The following DBNL variants were observed in gnomAD, a reference collection of about 807,000 sequenced individuals.
The protein encoded by DBNL is drebrin-like protein.
A neutral mutation model predicts 62.2 loss-of-function variants in DBNL; 35 were observed. The observed-to-expected ratio is 0.56, with a 90% confidence interval of 0.43 to 0.75. DBNL has a LOEUF of 0.75. DBNL is among the 30% of genes least tolerant of loss of function. The pLI is 0.00. For missense variants in DBNL, 495 were observed against 578.4 expected, an observed-to-expected ratio of 0.86 and a Z score of 1.48; for synonymous variants, 197 against 218.0, an observed-to-expected ratio of 0.90 and a Z score of 0.85.
rs768657552 is a variant in DBNL at position 44,060,190 on chromosome 7, G to C, written c.1153+37G>C. 1 of 1,566,372 alleles carries C rather than the reference G, an allele frequency of 6.4e-7. No homozygotes were observed. Among genetic ancestry groups the C allele is most frequent in the Non-Finnish European group, 8.8e-7 (1 of 1,141,464 alleles). ...TGGCCTGGCTGGCACAGACCACAGG[G>C]TCCTGAGGTTAGGAGACAAGAGGGT... On this transcript the variant is annotated intron_variant, in intron 12 of 12. Coordinates refer to ENST00000448521, the MANE Select transcript of DBNL (RefSeq NM_001014436.3). The surrounding 1 kb of genome is among the most constrained non-coding windows in gnomAD (Gnocchi z 6.3).
chr7:44,050,144 A>C, intron 1 of DBNL, 81 bp from the exon 2 acceptor site: 1 of 1,483,076 alleles, frequency 6.7e-7, no homozygotes, highest in Middle Eastern at 1.7e-4. Flanking sequence ...TTTGGGATGT[A>C]GTGGAAAGTC....
At position 44,057,871 on chromosome 7, in the gene DBNL, C is replaced by T. The variant is rs564758049; in HGVS notation, c.552+12C>T. 5.0e-6 allele frequency: 8 copies of T among 1,614,102 alleles called. No homozygotes were observed. Among genetic ancestry groups the T allele is most frequent in the Admixed American group, 3.3e-5 (2 of 60,018 alleles). ...GGGCCAAAGCAGAGGTGAGTGCTGC[C>T]CCGGGGCATGCTGGGCACGTGGGAG... On this transcript the variant is annotated intron_variant, in intron 6 of 12. Transcript: ENST00000448521.
In DBNL at chr7:44,060,668, G is replaced by C; in HGVS notation, c.1154-109G>C. The C allele has an allele frequency of 6.8e-7, 1 of 1,465,460 alleles. No individual in the cohort carries two copies. 90.8% of individuals were successfully genotyped at this position (1,465,460 alleles called of 1,614,324 possible). A position where few individuals can be genotyped will look rare whatever the true frequency, so the allele number is the denominator to read the frequency against. ...CAGGGATATTTCTGAGGAGGAACCA[G>C]AGCTGCAGCGAGGTGTGCTGCAGCA... On this transcript the variant is annotated intron_variant, in intron 12 of 12. Transcript: ENST00000448521. This position sits in a 1 kb window ranked among gnomAD's most constrained non-coding sequence, Gnocchi z 6.3.
intron 4 of DBNL, among the ~76,000 whole-genome samples, chr7:44,055,901 G>A (rs2128792589): frequency 6.6e-6 from 1 of 152,268 alleles, no homozygotes; most frequent in South Asian, 2.1e-4. Flanking sequence ...CTGTGCAGAA[G>A]CCTTTTAGCT....
Position 44,059,311 on chromosome 7 carries a change from G to A in DBNL, c.836-43G>A, listed in dbSNP as rs1352883362. The A allele has an allele frequency of 1.3e-6, 2 of 1,598,090 alleles. No individual in the cohort carries two copies. The highest frequency in any genetic ancestry group is 1.1e-5 in the South Asian group (1 of 90,234). ...GTGCTGTGGGGTGCGTGGGTGTGTGGTGGTGTTTCTGAAGTGATGTATATA... is the reference window on the plus strand; with the variant it reads ...GTGCTGTGGGGTGCGTGGGTGTGTGATGGTGTTTCTGAAGTGATGTATATA... On this transcript the variant is annotated intron_variant, in intron 9 of 12. Transcript: ENST00000448521. The surrounding 1 kb of genome is among the most constrained non-coding windows in gnomAD (Gnocchi z 4.1).
rs1251640167 is a variant in DBNL, at chr7:44,059,015, C to T, written c.835+32C>T. ...TCTCCCTTTGGGCCTGGCCATGAGG[C>T]AGCAGCAGGCTGAGGGGGAGCCTGG... is the stretch of plus-strand genomic sequence containing the variant. On this transcript the variant is annotated intron_variant, in intron 9 of 12. Coordinates refer to ENST00000448521, the MANE Select transcript of DBNL (RefSeq NM_001014436.3). This position sits in a 1 kb window ranked among gnomAD's most constrained non-coding sequence, Gnocchi z 4.1. The T allele has an allele frequency of 1.2e-6, 2 of 1,610,718 alleles. No individual in the cohort carries two copies. Among genetic ancestry groups the T allele is most frequent in the South Asian group, 2.2e-5 (2 of 90,952 alleles).
At chr7:44,052,610 CAAAAA>C (rs756096866) in intron 3 of DBNL, among the ~76,000 whole-genome samples, 1 of 109,886 alleles carries the variant, frequency 9.1e-6, no homozygotes, top group Non-Finnish European at 2.0e-5. Context: ...ACTCCATCTC[CAAAAA>C]AAAAAAAAAA....
chr7:44,063,276 CTTTTCTTTTTCT>C lies in DBNL; in HGVS notation c.*2371_*2382del, dbSNP rs370887667. On this transcript the variant is annotated 3_prime_UTR_variant, in exon 13 of 13. Coordinates refer to ENST00000448521, the MANE Select transcript of DBNL (RefSeq NM_001014436.3). ...CACTCACCCTTTGTTTTTTTTTTTT[CTTTTCTTTTTCT>C]TTTTCTTTTTTTTGAGATGGAGTTT... 2.1e-5 allele frequency: 7 copies of C among 335,034 alleles called. No individual in the cohort carries two copies. Among genetic ancestry groups the C allele is most frequent in the Non-Finnish European group, 3.4e-5 (6 of 177,156 alleles). 20.8% of individuals were successfully genotyped at this position (335,034 alleles called of 1,614,324 possible).
chr7:44,057,173 C>G (rs1222216920), intron 5 of DBNL, among the ~76,000 whole-genome samples: 1 of 152,250 alleles, frequency 6.6e-6, no homozygotes, highest in Non-Finnish European at 1.5e-5. Context: ...GCATGCATGG[C>G]TATGATAGTC....
intron 1 of DBNL, among the ~76,000 whole-genome samples, chr7:44,049,055 A>G (rs1463047665): frequency 6.6e-6 from 1 of 151,888 alleles, no homozygotes; most frequent in Admixed American, 6.6e-5. Flanking sequence ...GGGTCCCACC[A>G]TGTTGCCCAG....
Position 44,059,183 on chromosome 7 carries a change from G to A in DBNL, c.836-171G>A, listed in dbSNP as rs927553673. 6.6e-5 allele frequency among the ~76,000 whole-genome samples: 10 copies of A among 152,188 alleles called. No homozygotes were observed. In the South Asian group the frequency reaches 1.7e-3, roughly 25 times the overall value. On this transcript the variant is annotated intron_variant, in intron 9 of 12. Transcript: ENST00000448521. The surrounding 1 kb of genome is among the most constrained non-coding windows in gnomAD (Gnocchi z 4.1). ...TGGCCTCCAAAAGATATTGGGCTGC[G>A]CTGTCTACCACGTCACCACATAGCA...
At chr7:44,056,703 G>C (rs1203349535) in intron 4 of DBNL, 54 bp from the exon 5 acceptor site, 1 of 1,610,572 alleles carries the variant, frequency 6.2e-7, no homozygotes, top group Admixed American at 1.7e-5. Context: ...ACAGGAGTTT[G>C]GCCCATCTCC....
intron 8 of DBNL, 146 bp from the exon 9 acceptor site, chr7:44,058,756 G>T (rs985864472): frequency 3.3e-6 from 3 of 921,550 alleles, no homozygotes; most frequent in Non-Finnish European, 4.9e-6. Context: ...ATTTTTAAAT[G>T]ACTTCTCTCC....
chr7:44,067,117 G>A lies in DBNL; in HGVS notation c.*6201G>A, dbSNP rs2096161517. On this transcript the variant is annotated 3_prime_UTR_variant, in exon 13 of 13. Coordinates refer to ENST00000448521, the MANE Select transcript of DBNL (RefSeq NM_001014436.3). ...GAGAGGCCGGGGACAGCCCTGAGGT[G>A]ACATGTGAGTGGAAAGAGCGGAGTG... 1 of 152,568 alleles carries A rather than the reference G, an allele frequency of 6.6e-6. No homozygotes were observed. Among genetic ancestry groups the A allele is most frequent in the Non-Finnish European group, 1.5e-5 (1 of 68,288 alleles). The allele number at this position is 152,568 out of a possible 1,614,324, so 9.5% of individuals were successfully genotyped here.
intron 2 of DBNL, 66 bp downstream of exon 2, chr7:44,050,346 G>T (rs188678152): frequency 1.3e-6 from 2 of 1,561,056 alleles, no homozygotes; most frequent in Middle Eastern, 1.8e-4. Flanking sequence ...AGGGGTCAGC[G>T]CACTCAGCTG....
Position 44,059,030 on chromosome 7 carries a change from G to GGGGAGCCTGGGGTCCTATGT in DBNL, c.835+51_835+70dup. ...GGCCATGAGGCAGCAGCAGGCTGAGGGGGAGCCTGGGGTCCTATGTGGGCT... is the reference window on the plus strand; with the variant it reads ...GGCCATGAGGCAGCAGCAGGCTGAGGGGGAGCCTGGGGTCCTATGTGGGAGCCTGGGGTCCTATGTGGGCT... On this transcript the variant is annotated intron_variant, in intron 9 of 12. Transcript: ENST00000448521. The surrounding 1 kb of genome is among the most constrained non-coding windows in gnomAD (Gnocchi z 4.1). The GGGGAGCCTGGGGTCCTATGT allele has an allele frequency of 2.5e-6, 4 of 1,595,850 alleles. No individual in the cohort carries two copies. The highest frequency in any genetic ancestry group is 3.4e-6 in the Non-Finnish European group (4 of 1,164,848).
At position 44,048,191 on chromosome 7, in the gene DBNL, C is replaced by T. The variant is rs543327898; in HGVS notation, c.84-2034C>T. ...TGGCCTCCCAAAGTGCTGGGATTAC[C>T]GGCATGAGCCATCGCAGCTGGTTGA... is the stretch of plus-strand genomic sequence containing the variant. On this transcript the variant is annotated intron_variant, in intron 1 of 12. Transcript: ENST00000448521. Among the ~76,000 whole-genome samples the T allele has an allele frequency of 2.6e-5, 4 of 152,092 alleles. 1 individual carries two copies. Among genetic ancestry groups the T allele is most frequent in the Admixed American group, 1.3e-4 (2 of 15,266 alleles).
rs114578410 is a variant in DBNL, at chr7:44,065,080, A to G, written c.*4164A>G. 2,067 of 1,612,444 alleles carry G rather than the reference A, an allele frequency of 1.3e-3. 26 individuals are homozygous for G. The African/African-American group carries it at 0.025, about 20-fold the overall frequency. On this transcript the variant is annotated 3_prime_UTR_variant, in exon 13 of 13. Transcript: ENST00000448521. The stretch of plus-strand genomic sequence containing the variant: ...GCCCCCACCCGACTCCCCACTCTGC[A>G]GCTTCCCAGAGGCCTTCCCAGCAAA...
intron 4 of DBNL, among the ~76,000 whole-genome samples, chr7:44,055,962 G>T (rs2096135484): frequency 6.6e-6 from 1 of 152,082 alleles, no homozygotes. Context: ...GGCTTTTGAG[G>T]TCTTAACCCA....
Sources: allele counts gnomAD v4.1 joint callset (sites outside exome capture counted in the v4.1 genomes callset), GRCh38; gene constraint gnomAD v4.1.1; non-coding constraint Gnocchi (gnomAD v3.1); transcripts MANE v1.5; gene names NCBI Gene and HGNC (gene_info 2026-07-23, HGNC 2026-07-21).